Variants in MTURN observed in about 807,000 individuals in gnomAD.
The protein encoded by MTURN is maturin.
A neutral mutation model predicts 14.9 loss-of-function variants in MTURN; 7 were observed. The ratio of observed to expected loss-of-function variants is 0.47; its 90% CI spans 0.27 to 0.88. MTURN has a LOEUF of 0.88. Among genes scored for constraint, MTURN ranks in the 40% least tolerant of loss-of-function variants. The pLI is 0.14. For missense variants in MTURN, 151 were observed against 174.1 expected (o/e 0.87, Z 0.75); for synonymous variants, 69 against 72.5 (o/e 0.95, Z 0.25).
chr7:30,138,368 G>A (rs1473429038), intron 1 of MTURN, among the ~76,000 whole-genome samples: 2 of 152,050 alleles, frequency 1.3e-5, no homozygotes, highest in East Asian at 3.9e-4. Flanking sequence ...TCCCACCTTG[G>A]CCTCCCAAAG....
In MTURN at chr7:30,157,636, C is replaced by A; in HGVS notation, c.*88C>A. ...CTCCTGGGTTAGCATTTTGCATTAG[C>A]ACTTCGAAATAGGACATCTGGCTCC... On this transcript the variant is annotated 3_prime_UTR_variant, in exon 3 of 3. Coordinates refer to ENST00000324453, the MANE Select transcript of MTURN (RefSeq NM_152793.3). 2 of 906,468 alleles carry A rather than the reference C, an allele frequency of 2.2e-6. No homozygotes were observed. Among genetic ancestry groups the A allele is most frequent in the Non-Finnish European group, 3.2e-6 (2 of 617,572 alleles). 56.2% of individuals were successfully genotyped at this position (906,468 alleles called of 1,614,324 possible).
At chr7:30,153,763 G>A (rs1241494561) in intron 2 of MTURN, among the ~76,000 whole-genome samples, 1 of 152,086 alleles carries the variant, frequency 6.6e-6, no homozygotes, top group Non-Finnish European at 1.5e-5. Flanking sequence ...TGTCACCCAG[G>A]CTGGAGTGCA....
Position 30,146,180 on chromosome 7 carries a change from G to A in MTURN, c.166G>A (p.Val56Met), listed in dbSNP as rs200455267. ...TCCGTCGCCCGTGGGCACGCAGCAC[G>A]TGTGGAGTGAGAGCGAGGACTGCCT... The part of the protein sequence containing the change: ...PDNGCGDNFH[V>M]WSESEDCLPF... Residue 56 changes from valine to methionine, a missense_variant, in exon 2 of 3, where the codon GTG becomes ATG. By Grantham distance (21) the Val-to-Met change is conservative. Transcript: ENST00000324453. 1.9e-5 allele frequency: 30 copies of A among 1,614,046 alleles called. No individual in the cohort carries two copies. The highest frequency in any genetic ancestry group is 7.6e-6 in the Non-Finnish European group (9 of 1,180,042).
At chr7:30,136,489 G>T (rs763801657) in intron 1 of MTURN, among the ~76,000 whole-genome samples, 2 of 152,216 alleles carry the variant, frequency 1.3e-5, no homozygotes, top group Admixed American at 6.5e-5. Flanking sequence ...CTCCTCAGGT[G>T]GGGGAGACAA....
intron 1 of MTURN, among the ~76,000 whole-genome samples, chr7:30,144,640 TG>T (rs990592465): frequency 1.3e-5 from 2 of 152,152 alleles, no homozygotes; most frequent in Non-Finnish European, 2.9e-5. Context: ...GTGTCGAAAA[TG>T]GACCTTTGCA....
At position 30,158,507 on chromosome 7, in the gene MTURN, TAAAA is replaced by T. The variant is rs3050192; in HGVS notation, c.*967_*970del. The T allele has an allele frequency of 6.7e-6, 1 of 148,744 alleles. No homozygotes were observed. The allele number at this position is 148,744 out of a possible 1,614,324, so 9.2% of individuals were successfully genotyped here. ...TTCTTTACTTTTTAAGTCTTTTATT[TAAAA>T]AAAAAAAGTCAAAAAAAGGATTCCA... is the stretch of plus-strand genomic sequence containing the variant. On this transcript the variant is annotated 3_prime_UTR_variant, in exon 3 of 3. Coordinates refer to ENST00000324453, the MANE Select transcript of MTURN (RefSeq NM_152793.3).
intron 2 of MTURN, among the ~76,000 whole-genome samples, chr7:30,153,452 G>A (rs953831141): frequency 6.6e-6 from 1 of 152,192 alleles, no homozygotes; most frequent in African/African-American, 2.4e-5. Flanking sequence ...AATAGGAACA[G>A]CATTAACAGC....
At chr7:30,142,414 G>A (rs1028901290) in intron 1 of MTURN, among the ~76,000 whole-genome samples, 2 of 151,990 alleles carry the variant, frequency 1.3e-5, no homozygotes, top group African/African-American at 4.8e-5. Context: ...TAGTTCTCCC[G>A]GAAAGATATT....
At chr7:30,155,713 G>A (rs1051602161) in intron 2 of MTURN, among the ~76,000 whole-genome samples, 4 of 152,242 alleles carry the variant, frequency 2.6e-5, no homozygotes, top group African/African-American at 7.2e-5. Context: ...CAGGCAGAGT[G>A]TGACCAACAA....
intron 1 of MTURN, among the ~76,000 whole-genome samples, chr7:30,144,336 A>T (rs541356819): frequency 6.6e-6 from 1 of 152,392 alleles, no homozygotes; most frequent in South Asian, 2.1e-4. Context: ...ACATTTGAGT[A>T]TGAAAATGGA....
intron 2 of MTURN, among the ~76,000 whole-genome samples, chr7:30,156,958 C>T (rs963211961): frequency 6.6e-6 from 1 of 152,060 alleles, no homozygotes; most frequent in Non-Finnish European, 1.5e-5. Context: ...ATTTCAATAA[C>T]ACCATAACCA....
In MTURN at chr7:30,148,420, G is replaced by C. The variant is rs77800256; in HGVS notation, c.285+2121G>C. On this transcript the variant is annotated intron_variant, in intron 2 of 2. Transcript: ENST00000324453. The stretch of plus-strand genomic sequence containing the variant: ...TGGGCTCTTACTCTGGAGTGATGGG[G>C]AGCCCCCCAAGGGGTTAGGCAGAAG... 6.0e-3 allele frequency among the ~76,000 whole-genome samples: 907 copies of C among 152,324 alleles called. 9 individuals carry two copies. The highest frequency in any genetic ancestry group is 0.02 in the African/African-American group (842 of 41,566).
At chr7:30,135,441 G>C (rs1305481871) in intron 1 of MTURN, 143 bp downstream of exon 1, 11 of 667,466 alleles carry the variant, frequency 1.6e-5, no homozygotes, top group Non-Finnish European at 1.9e-5. Context: ...CGCGTGCTCC[G>C]CCGGGGAAGC....
chr7:30,155,107 T>C (rs558081573), intron 2 of MTURN, among the ~76,000 whole-genome samples: 5 of 152,324 alleles, frequency 3.3e-5, no homozygotes, highest in Non-Finnish European at 7.3e-5. Flanking sequence ...ACACCTCAGC[T>C]GCGCCCTTTT....
chr7:30,143,177 C>T (rs900018050), intron 1 of MTURN, among the ~76,000 whole-genome samples: 7 of 152,032 alleles, frequency 4.6e-5, no homozygotes, highest in Non-Finnish European at 8.8e-5. Flanking sequence ...CTGAAGAGCA[C>T]GTCTGTTTTA....
intron 1 of MTURN, among the ~76,000 whole-genome samples, chr7:30,145,101 A>G (rs973071399): frequency 6.6e-6 from 1 of 151,982 alleles, no homozygotes; most frequent in Non-Finnish European, 1.5e-5. Flanking sequence ...GCTCAAACCT[A>G]TTTCTTGGCC....
At position 30,157,498 on chromosome 7, in the gene MTURN, G is replaced by T; in HGVS notation, c.346G>T (p.Glu116Ter). ...AFEEYSADVE[E>*]EEPEADHPQM... is the part of the protein sequence containing the mutation. ...TGAAGAGTACAGTGCTGACGTGGAA[G>T]AAGAGGAGCCAGAGGCGGACCACCC... is the stretch of plus-strand genomic sequence containing the variant. Residue 116 changes from glutamate (E) to a stop codon, truncating the protein, a stop_gained, in exon 3 of 3, where the codon GAA (glutamate) becomes TAA (stop). Transcript: ENST00000324453. LOFTEE classifies it high-confidence loss of function. The T allele has an allele frequency of 6.2e-7, 1 of 1,607,008 alleles. No individual in the cohort carries two copies. Among genetic ancestry groups the T allele is most frequent in the South Asian group, 1.1e-5 (1 of 89,920 alleles).
At chr7:30,143,181 TG>T (rs1381705737) in intron 1 of MTURN, among the ~76,000 whole-genome samples, 3 of 152,172 alleles carry the variant, frequency 2.0e-5, no homozygotes, top group African/African-American at 7.2e-5. Flanking sequence ...AGAGCACGTC[TG>T]TTTTATCTGT....
intron 2 of MTURN, among the ~76,000 whole-genome samples, chr7:30,154,326 A>C (rs919221807): frequency 3.3e-5 from 5 of 152,044 alleles, no homozygotes; most frequent in Non-Finnish European, 5.9e-5. Context: ...CATTCATTTA[A>C]CCCAGAACTC....
Sources: gnomAD v4.1 joint callset for allele counts (sites outside exome capture counted in the v4.1 genomes callset) on GRCh38, gnomAD v4.1.1 for gene constraint, MANE v1.5 for transcripts, NCBI Gene and HGNC (gene_info 2026-07-23, HGNC 2026-07-21) for gene names.